The following PLXNA1 variants were observed in gnomAD, a reference collection of about 807,000 sequenced individuals.
PLXNA1 encodes the protein plexin-A1.
A neutral mutation model predicts 191.7 loss-of-function variants in PLXNA1; 77 were observed. That is an observed-to-expected ratio of 0.40 (90% CI 0.33 to 0.49). The LOEUF is 0.49. PLXNA1 is among the 20% of genes least tolerant of loss of function. The pLI, the probability that PLXNA1 is intolerant of heterozygous loss-of-function variation, is 0.63. For synonymous variants in PLXNA1, 1,137 were observed against 1,156.4 expected, an observed-to-expected ratio of 0.98 and a Z score of 0.34; for missense variants, 2,110 against 2,660.2, an observed-to-expected ratio of 0.79 and a Z score of 4.55.
rs543570093 is a variant in PLXNA1 at position 127,020,028 on chromosome 3, C to G, written c.3896-174C>G. Among the ~76,000 whole-genome samples the G allele has an allele frequency of 1.8e-4, 27 of 152,284 alleles. 1 individual carries two copies. The highest frequency in any genetic ancestry group is 6.8e-3 in the Middle Eastern group (2 of 294). On this transcript the variant is annotated intron_variant, in intron 20 of 31. Transcript: ENST00000393409. ...GAACCTTGCAGAGGAGAGTTACTAT[C>G]CCTGTGCTAGGGCTGTAGTAGCTGG...
Position 127,018,392 on chromosome 3 carries a change from G to A in PLXNA1, c.3759G>A (p.Gly1253=), listed in dbSNP as rs138074920. Reference sequence around the variant, plus strand: ...CCATTGTGGGCATTGGCGGAGGCGGGGGTCTCCTGCTGCTGGTCATCGTGG... The same window carrying A: ...CCATTGTGGGCATTGGCGGAGGCGGAGGTCTCCTGCTGCTGGTCATCGTGG... ...LPAIVGIGGG[G]GLLLLVIVAV... is the part of the protein sequence containing the mutation. Residue 1253 remains glycine, a synonymous_variant, in exon 20 of 32, where the codon GGG becomes GGA. Transcript: ENST00000393409. 264 of 1,613,042 alleles carry A rather than the reference G, an allele frequency of 1.6e-4. 2 individuals are homozygous for A. The African/African-American group carries it at 3.3e-3, about 20-fold the overall frequency.
chr3:127,006,227 C>T (rs759004088), intron 8 of PLXNA1, 49 bp downstream of exon 8: 1 of 1,408,512 alleles, frequency 7.1e-7, no homozygotes, highest in Admixed American at 1.7e-5. Flanking sequence ...GCTACTTGCC[C>T]CACTCCCGTC....
intron 9 of PLXNA1, among the ~76,000 whole-genome samples, chr3:127,010,182 G>T (rs1441333237): frequency 6.6e-6 from 1 of 152,034 alleles, no homozygotes; most frequent in African/African-American, 2.4e-5. Flanking sequence ...GGTTGTAATC[G>T]GAGCCTTTGG....
At chr3:127,026,530 A>G (rs2079176961) in intron 23 of PLXNA1, 1 of 152,226 alleles carries the variant, frequency 6.6e-6, no homozygotes, top group African/African-American at 2.4e-5. Context: ...TTCCTGTCAC[A>G]TTAATGGCTC....
intron 4 of PLXNA1, among the ~76,000 whole-genome samples, chr3:127,003,882 C>G (rs980291150): frequency 6.6e-6 from 1 of 152,332 alleles, no homozygotes; most frequent in South Asian, 2.1e-4. Context: ...TGGGTCTGCC[C>G]ACAGGGCCTG....
At position 127,029,860 on chromosome 3, in the gene PLXNA1, G is replaced by T. The variant is rs748428735; in HGVS notation, c.4871-14G>T. On this transcript the variant is annotated splice_polypyrimidine_tract_variant and intron_variant, in intron 27 of 31. Coordinates refer to ENST00000393409, the MANE Select transcript of PLXNA1 (RefSeq NM_032242.4). ...GTGCCAGCCAACGCGGGCGCTGACA[G>T]CCTGGTGCTGCAGAGAGCATGCTGC... is the stretch of plus-strand genomic sequence containing the variant. The T allele has an allele frequency of 1.3e-6, 2 of 1,590,434 alleles. No homozygotes were observed. Among genetic ancestry groups the T allele is most frequent in the South Asian group, 2.2e-5 (2 of 90,276 alleles).
intron 27 of PLXNA1, 102 bp from the exon 28 acceptor site, chr3:127,029,772 C>A: frequency 7.3e-7 from 1 of 1,365,872 alleles, no homozygotes; most frequent in Non-Finnish European, 9.8e-7. Context: ...CAAAATCCCA[C>A]ATGGGTGGGG....
Position 127,015,273 on chromosome 3 carries a change from C to A in PLXNA1, c.2967C>A (p.Gly989=). The A allele has an allele frequency of 6.2e-7, 1 of 1,612,098 alleles. No individual in the cohort carries two copies. The highest frequency in any genetic ancestry group is 1.1e-5 in the South Asian group (1 of 91,002). Residue 989 remains glycine, a synonymous_variant, in exon 15 of 32, where the codon GGC becomes GGA. Coordinates refer to ENST00000393409, the MANE Select transcript of PLXNA1 (RefSeq NM_032242.4). The part of the protein sequence containing the change: ...IGIEGSHLNA[G]SDVAVSVGGR... Reference sequence around the variant, plus strand: ...TCGAGGGAAGCCACCTGAACGCAGGCAGTGATGTGGCTGTGTCGGTCGGTG... The same window carrying A: ...TCGAGGGAAGCCACCTGAACGCAGGAAGTGATGTGGCTGTGTCGGTCGGTG...
At chr3:127,021,412 A>G (rs564931633) in intron 21 of PLXNA1, among the ~76,000 whole-genome samples, 3 of 152,284 alleles carry the variant, frequency 2.0e-5, no homozygotes, top group Admixed American at 1.3e-4. Flanking sequence ...GGCTCTGCCT[A>G]ATAGGGAACA....
intron 31 of PLXNA1, 58 bp downstream of exon 31, chr3:127,032,894 G>A (rs1197290633): frequency 1.3e-6 from 2 of 1,564,250 alleles, no homozygotes; most frequent in Non-Finnish European, 1.7e-6. Context: ...CCCTGCCAGA[G>A]TCACCTGCTC....
chr3:127,029,149 C>T, intron 26 of PLXNA1, 53 bp downstream of exon 26: 3 of 1,372,068 alleles, frequency 2.2e-6, no homozygotes, highest in South Asian at 2.4e-5. Context: ...TTGGGGCTTC[C>T]ACAGCGCAGC....
At chr3:127,001,707 G>A (rs1485280834) in intron 3 of PLXNA1, among the ~76,000 whole-genome samples, 1 of 152,264 alleles carries the variant, frequency 6.6e-6, no homozygotes, top group Non-Finnish European at 1.5e-5. Flanking sequence ...TGGCTTGGAT[G>A]TGTGGTTGGC....
intron 23 of PLXNA1, among the ~76,000 whole-genome samples, 183 bp downstream of exon 23, chr3:127,023,001 C>G (rs905317572): frequency 1.1e-4 from 16 of 152,224 alleles, no homozygotes; most frequent in African/African-American, 3.6e-4. Flanking sequence ...TCCCGGCTCC[C>G]TCCTCCCTCC....
At chr3:127,018,709 G>A (rs1432933814) in intron 20 of PLXNA1, among the ~76,000 whole-genome samples, 181 bp downstream of exon 20, 1 of 152,240 alleles carries the variant, frequency 6.6e-6, no homozygotes, top group African/African-American at 2.4e-5. Flanking sequence ...ACCAGGGCCT[G>A]GCCCTGCAGC....
Position 126,989,605 on chromosome 3 carries a change from T to C in PLXNA1, c.1012T>C (p.Phe338Leu), listed in dbSNP as rs758606291. The C allele has an allele frequency of 6.2e-7, 1 of 1,613,174 alleles. No homozygotes were observed. Among genetic ancestry groups the C allele is most frequent in the East Asian group, 2.2e-5 (1 of 44,874 alleles). ...CCTGGCTGAGGACGAGGACGTGCTG[T>C]TCACTGTGTTCGCCCAGGGCCAGAA... ...LGLAEDEDVL[F>L]TVFAQGQKNR... Residue 338 changes from phenylalanine to leucine, a missense_variant, in exon 2 of 32, where the codon TTC becomes CTC. Physicochemically the swap from Phe to Leu is conservative, Grantham distance 22. Around this residue, in one of 4 missense-constraint regions of PLXNA1, gnomAD observed 903 missense variants for 1,015.7 expected, o/e 0.89. Transcript: ENST00000393409.
intron 31 of PLXNA1, 110 bp downstream of exon 31, chr3:127,032,946 C>A: frequency 2.5e-6 from 3 of 1,195,832 alleles, no homozygotes; most frequent in Non-Finnish European, 3.5e-6. Flanking sequence ...TGGGCTGCCA[C>A]TGACCACCTT....
chr3:127,004,957 G>T lies in PLXNA1; in HGVS notation c.1692G>T (p.Val564=), dbSNP rs2079058614. ...QRFAADLLQC[V]QLTVQPRNVS... is the part of the protein sequence containing the mutation. ...TTGCTGCGGACCTGCTGCAGTGTGT[G>T]CAGCTGACTGTGCAGCCCCGCAATG... The change falls in exon 6 of 32, where the codon GTG becomes GTT. Residue 564 remains valine, a synonymous_variant. Coordinates refer to ENST00000393409, the MANE Select transcript of PLXNA1 (RefSeq NM_032242.4). 6.2e-7 allele frequency: 1 copy of T among 1,610,680 alleles called. No homozygotes were observed.
intron 9 of PLXNA1, among the ~76,000 whole-genome samples, chr3:127,010,399 C>T (rs1256263143): frequency 6.6e-6 from 1 of 152,162 alleles, no homozygotes; most frequent in African/African-American, 2.4e-5. Flanking sequence ...GGAGTTTCAG[C>T]CTAATCCTGA....
chr3:126,994,149 C>G (rs2079004260), intron 3 of PLXNA1, among the ~76,000 whole-genome samples: 1 of 152,132 alleles, frequency 6.6e-6, no homozygotes, highest in South Asian at 2.1e-4. Context: ...GTGCTCAAGG[C>G]AGGTGCTCAG....
Sources: allele counts gnomAD v4.1 joint callset (sites outside exome capture counted in the v4.1 genomes callset), GRCh38; gene constraint gnomAD v4.1.1; regional missense constraint gnomAD v4.1.1; transcripts MANE v1.5; gene names NCBI Gene and HGNC (gene_info 2026-07-23, HGNC 2026-07-21).